TANGO6: variants seen among roughly 807,000 people sequenced by gnomAD.
The protein encoded by TANGO6 is transport and golgi organization 6 homolog.
In TANGO6, 90 loss-of-function variants were observed where a neutral mutation model predicts 114.2. That is an observed-to-expected ratio of 0.79 (90% confidence interval 0.66 to 0.94). The LOEUF is 0.94. Among genes scored for constraint, TANGO6 ranks in the 40% least tolerant of loss-of-function variants. The pLI is 0.00. For synonymous variants in TANGO6, 477 were observed against 509.8 expected (o/e 0.94, Z 0.87); for missense variants, 1,274 against 1,315.3 (o/e 0.97, Z 0.49).
intron 17 of TANGO6, among the ~76,000 whole-genome samples, chr16:69,060,472 G>A (rs563339581): frequency 6.6e-6 from 1 of 152,204 alleles, no homozygotes; most frequent in South Asian, 2.1e-4. Flanking sequence ...GTGCATGCCT[G>A]TAGTCCCAGC....
chr16:68,973,968 G>T, intron 14 of TANGO6, 60 bp from the exon 15 acceptor site: 1 of 1,547,208 alleles, frequency 6.5e-7, no homozygotes. Flanking sequence ...AGGGTGACTG[G>T]TTTATTTGCC....
intron 7 of TANGO6, among the ~76,000 whole-genome samples, chr16:68,885,197 A>T (rs1277408504): frequency 6.6e-6 from 1 of 152,230 alleles, no homozygotes; most frequent in African/African-American, 2.4e-5. Context: ...AACGTGGAGG[A>T]TAACAAAAGA....
intron 14 of TANGO6, among the ~76,000 whole-genome samples, chr16:68,960,833 T>C (rs1031636852): frequency 2.6e-5 from 4 of 152,126 alleles, no homozygotes; most frequent in African/African-American, 9.7e-5. Flanking sequence ...TGTTTGAGTG[T>C]AGTAGCACAA....
chr16:68,927,610 C>T lies in TANGO6; in HGVS notation c.2170C>T (p.Leu724=). 1 of 1,613,972 alleles carries T rather than the reference C, an allele frequency of 6.2e-7. No individual in the cohort carries two copies. Among genetic ancestry groups the T allele is most frequent in the Non-Finnish European group, 8.5e-7 (1 of 1,179,872 alleles). Residue 724 remains leucine, a synonymous_variant, in exon 13 of 18, where the codon CTG becomes TTG. Transcript: ENST00000261778. ...DFAVLKQLLP[L]LEKVSNTYPD... ...TGCTGTTCTGAAGCAGTTGTTGCCT[C>T]TGTTGGAGAAGGTATCCAACACATA...
chr16:68,909,166 T>C (rs756364562), intron 10 of TANGO6, 45 bp from the exon 11 acceptor site: 1 of 1,364,044 alleles, frequency 7.3e-7, no homozygotes, highest in East Asian at 2.7e-5. Flanking sequence ...AGGCCTTAGT[T>C]GTACTGGCTT....
At position 69,070,380 on chromosome 16, in the gene TANGO6, C is replaced by G. The variant is rs1032181574; in HGVS notation, c.3109-13105C>G. Among the ~76,000 whole-genome samples the G allele has an allele frequency of 7.9e-5, 12 of 152,044 alleles. No individual in the cohort carries two copies. The East Asian group carries it at 2.3e-3, about 30-fold the overall frequency. ...AGGCGCAGTGGCTCACGCCTGTAAT[C>G]CCAGCACTTTGGGAGGCCGAAGCGG... On this transcript the variant is annotated intron_variant, in intron 17 of 17. Coordinates refer to ENST00000261778, the MANE Select transcript of TANGO6 (RefSeq NM_024562.2).
chr16:69,082,501 C>T (rs1342766861), intron 17 of TANGO6, among the ~76,000 whole-genome samples: 1 of 151,980 alleles, frequency 6.6e-6, no homozygotes, highest in Non-Finnish European at 1.5e-5. Flanking sequence ...AATAGCAATA[C>T]TTTGGGAGGC....
At chr16:68,900,710 C>T (rs1329815896) in intron 8 of TANGO6, among the ~76,000 whole-genome samples, 164 bp downstream of exon 8, 2 of 152,262 alleles carry the variant, frequency 1.3e-5, no homozygotes, top group Admixed American at 1.3e-4. Context: ...TAGAAGAGAA[C>T]AAGAATTTTG....
At chr16:68,917,869 C>G (rs1274773815) in intron 11 of TANGO6, among the ~76,000 whole-genome samples, 1 of 151,870 alleles carries the variant, frequency 6.6e-6, no homozygotes, top group African/African-American at 2.4e-5. Context: ...CCTCCCACCT[C>G]AGTCTCCTGA....
At chr16:69,027,782 A>G (rs1597063723) in intron 16 of TANGO6, among the ~76,000 whole-genome samples, 1 of 139,828 alleles carries the variant, frequency 7.2e-6, no homozygotes, top group Non-Finnish European at 1.6e-5. Context: ...ACCAAACCCA[A>G]TTTTTTTTTT....
chr16:68,927,450 C>A, intron 12 of TANGO6, 118 bp from the exon 13 acceptor site: 2 of 1,088,796 alleles, frequency 1.8e-6, no homozygotes, highest in Non-Finnish European at 2.6e-6. Flanking sequence ...ACACTGATTA[C>A]ACCATGAGCA....
chr16:68,975,863 A>G (rs571944365), intron 15 of TANGO6, among the ~76,000 whole-genome samples: 1 of 151,864 alleles, frequency 6.6e-6, no homozygotes, highest in African/African-American at 2.4e-5. Flanking sequence ...AGCTGAGGGG[A>G]ATGTTTCTTA....
intron 9 of TANGO6, among the ~76,000 whole-genome samples, chr16:68,903,212 G>A (rs895366919): frequency 2.0e-5 from 3 of 152,146 alleles, no homozygotes; most frequent in African/African-American, 7.2e-5. Flanking sequence ...TGGTAAAGTT[G>A]TAAAACACCC....
At chr16:69,026,131 A>G (rs1180997636) in intron 16 of TANGO6, 2 of 151,812 alleles carry the variant, frequency 1.3e-5, no homozygotes, top group Non-Finnish European at 2.9e-5. Flanking sequence ...CCTCCCAAGT[A>G]GCTGGGACTA....
At chr16:68,968,300 G>A (rs1371573272) in intron 14 of TANGO6, among the ~76,000 whole-genome samples, 3 of 151,474 alleles carry the variant, frequency 2.0e-5, no homozygotes, top group South Asian at 2.1e-4. Flanking sequence ...TCCTGACTTC[G>A]TGATCCACCC....
At chr16:68,881,480 C>T (rs994847519) in intron 7 of TANGO6, among the ~76,000 whole-genome samples, 1 of 152,198 alleles carries the variant, frequency 6.6e-6, no homozygotes, top group Non-Finnish European at 1.5e-5. Context: ...TGCCACTGCA[C>T]TCCAGCCTGG....
Position 68,919,262 on chromosome 16 carries a change from G to A in TANGO6, c.2127+43G>A, listed in dbSNP as rs1172892346. Reference sequence around the variant, plus strand: ...GGCAAGCTTGAATGGAGGGAAGGGAGAAGCGAAATACCAGTTGTTTTCCTT... The same window carrying A: ...GGCAAGCTTGAATGGAGGGAAGGGAAAAGCGAAATACCAGTTGTTTTCCTT... On this transcript the variant is annotated intron_variant, in intron 12 of 17. Transcript: ENST00000261778. The A allele has an allele frequency of 4.4e-6, 7 of 1,597,838 alleles. No individual in the cohort carries two copies. In the South Asian group the frequency reaches 7.9e-5, roughly 18 times the overall value.
intron 15 of TANGO6, among the ~76,000 whole-genome samples, chr16:69,012,560 AAAAAAAAAAAAAAAAAAAGG>A (rs1371929564): frequency 6.9e-6 from 1 of 144,952 alleles, no homozygotes; most frequent in African/African-American, 2.6e-5. Flanking sequence ...CTGTCTCAAA[AAAAAAAAAAAAAAAAAAAGG>A]AAAAAAAAAA....
chr16:69,007,525 AAAGTG>A (rs1186151828), intron 15 of TANGO6, among the ~76,000 whole-genome samples: 3 of 152,050 alleles, frequency 2.0e-5, no homozygotes, highest in African/African-American at 7.2e-5. Context: ...TCGGTCTCCC[AAAGTG>A]CTGGGATTAC....
Sources: gnomAD v4.1 joint callset for allele counts (sites outside exome capture counted in the v4.1 genomes callset) on GRCh38, gnomAD v4.1.1 for gene constraint, MANE v1.5 for transcripts, NCBI Gene and HGNC (gene_info 2026-07-23, HGNC 2026-07-21) for gene names.